The following CLCN6 variants were observed in gnomAD, a reference collection of about 807,000 sequenced individuals.
CLCN6 encodes H(+)/Cl(-) exchange transporter 6.
Under a neutral mutation model 109.8 loss-of-function variants are expected in CLCN6, and 70 were observed. That is an observed-to-expected ratio of 0.64 (90% CI 0.53 to 0.78). The LOEUF is 0.78. CLCN6 is among the 30% of genes least tolerant of loss of function. The pLI is 0.00. For synonymous variants in CLCN6, 444 were observed against 447.8 expected, an observed-to-expected ratio of 0.99 and a Z score of 0.11; for missense variants, 984 against 1,142.3, an observed-to-expected ratio of 0.86 and a Z score of 2.00.
Position 11,834,062 on chromosome 1 carries a change from G to T in CLCN6, c.1526+32G>T, listed in dbSNP as rs115305550. ...TGTGTGTGTGCGTGTGTGTGCGCAT[G>T]TGCATGTGTGTGCACGTGTGCGTGT... On this transcript the variant is annotated intron_variant, in intron 15 of 22. Transcript: ENST00000346436. This position sits in a 1 kb window ranked among gnomAD's most constrained non-coding sequence, Gnocchi z 4.5. The T allele has an allele frequency of 2.5e-6, 4 of 1,609,200 alleles. No individual in the cohort carries two copies. The highest frequency in any genetic ancestry group is 3.4e-5 in the Admixed American group (2 of 58,852).
At chr1:11,825,019 T>C (rs973147407) in intron 8 of CLCN6, among the ~76,000 whole-genome samples, 1 of 152,186 alleles carries the variant, frequency 6.6e-6, no homozygotes, top group Non-Finnish European at 1.5e-5. Flanking sequence ...TTTCTCCTTA[T>C]AGCCACCTTC....
chr1:11,808,565 G>A (rs1198787067), intron 2 of CLCN6, among the ~76,000 whole-genome samples: 1 of 151,926 alleles, frequency 6.6e-6, no homozygotes, highest in Non-Finnish European at 1.5e-5. Flanking sequence ...AGATTTTCCA[G>A]TTTTCTTGTA....
chr1:11,822,352 A>G (rs534107646), intron 5 of CLCN6, among the ~76,000 whole-genome samples: 2 of 152,288 alleles, frequency 1.3e-5, no homozygotes, highest in South Asian at 2.1e-4. Flanking sequence ...TCAGCCTCCC[A>G]GGCTCAAGCG....
rs141827185 is a variant in CLCN6, at chr1:11,815,963, AT to A, written c.213+60del. 254 of 1,399,400 alleles carry A rather than the reference AT, an allele frequency of 1.8e-4. No homozygotes were observed. In the African/African-American group the frequency reaches 2.9e-3, roughly 16 times the overall value. 86.7% of individuals were successfully genotyped at this position (1,399,400 alleles called of 1,614,324 possible). ...GGGATCAAATCAGTCTTAACATGGC[AT>A]TTTTTTTCTCTTCTAAAGGCCCCAG... On this transcript the variant is annotated intron_variant, in intron 3 of 22. Transcript: ENST00000346436.
chr1:11,820,995 G>T (rs1026800381), intron 5 of CLCN6, among the ~76,000 whole-genome samples: 1 of 151,080 alleles, frequency 6.6e-6, no homozygotes, highest in African/African-American at 2.4e-5. Context: ...AGAATCGCTT[G>T]AACCCGGGAG....
chr1:11,810,082 C>T (rs1329341036), intron 2 of CLCN6, among the ~76,000 whole-genome samples: 1 of 152,108 alleles, frequency 6.6e-6, no homozygotes, highest in Non-Finnish European at 1.5e-5. Flanking sequence ...TATTAATAGT[C>T]ATATTTTAAT....
At chr1:11,828,925 C>T (rs138545535) in intron 12 of CLCN6, among the ~76,000 whole-genome samples, 93 of 152,300 alleles carry the variant, frequency 6.1e-4, no homozygotes, top group Non-Finnish European at 9.8e-4. Context: ...GGAGGCTTCT[C>T]GCCCCAGGAC....
intron 8 of CLCN6, among the ~76,000 whole-genome samples, chr1:11,825,421 C>T (rs1360137574): frequency 6.6e-6 from 1 of 152,254 alleles, no homozygotes; most frequent in Non-Finnish European, 1.5e-5. Flanking sequence ...GGGCCCTTCT[C>T]TTCCTGGCGC....
chr1:11,840,254 T>G lies in CLCN6; in HGVS notation c.*31T>G, dbSNP rs1557437735. The stretch of plus-strand genomic sequence containing the variant: ...CAGCCCACCCTCTCCTGGTGCTGCC[T>G]GGGGAGGCAAATCATGCTCACTCCG... On this transcript the variant is annotated 3_prime_UTR_variant, in exon 23 of 23. Coordinates refer to ENST00000346436, the MANE Select transcript of CLCN6 (RefSeq NM_001286.5). 6.3e-7 allele frequency: 1 copy of G among 1,580,134 alleles called. No individual in the cohort carries two copies. Among genetic ancestry groups the G allele is most frequent in the Admixed American group, 1.7e-5 (1 of 59,998 alleles).
rs779303268 is a variant in CLCN6 at position 11,828,164 on chromosome 1, T to G, written c.899T>G (p.Phe300Cys). The change falls in exon 11 of 23, where the codon TTT (phenylalanine) becomes TGT (cysteine). Residue 300 changes from phenylalanine to cysteine, a missense_variant. Transcript: ENST00000346436. ...AACTTCTTCCGTTCTGGGATTCAGT[T>G]TGGAAGCTGGGGTTCCTTCCAGCTC... ...TLNFFRSGIQFGSWGSFQLPG... is the reference protein window; with the variant it reads ...TLNFFRSGIQCGSWGSFQLPG... The G allele has an allele frequency of 5.0e-6, 8 of 1,614,232 alleles. No individual in the cohort carries two copies. In the South Asian group the frequency reaches 8.8e-5, roughly 18 times the overall value.
At chr1:11,829,389 C>A in intron 13 of CLCN6, 67 bp downstream of exon 13, 2 of 1,583,844 alleles carry the variant, frequency 1.3e-6, no homozygotes, top group Non-Finnish European at 1.7e-6. Context: ...GTATGACCTT[C>A]CTCTGTTGAG....
chr1:11,806,723 C>T lies in CLCN6; in HGVS notation c.87+374C>T, dbSNP rs76378492. ...CAGTCCTTTCTCACTCTATCCCTCACCCTTTCTGGGTCACTGACAGTCCAG... is the reference window on the plus strand; with the variant it reads ...CAGTCCTTTCTCACTCTATCCCTCATCCTTTCTGGGTCACTGACAGTCCAG... On this transcript the variant is annotated intron_variant, in intron 1 of 22. Coordinates refer to ENST00000346436, the MANE Select transcript of CLCN6 (RefSeq NM_001286.5). 8.1e-4 allele frequency: 284 copies of T among 351,686 alleles called. 5 individuals are homozygous for T. In the East Asian group the frequency reaches 0.011, roughly 14 times the overall value. 21.8% of individuals were successfully genotyped at this position (351,686 alleles called of 1,614,324 possible).
rs575045325 is a variant in CLCN6, at chr1:11,836,938, C to G, written c.1981-61C>G. On this transcript the variant is annotated intron_variant, in intron 18 of 22. Coordinates refer to ENST00000346436, the MANE Select transcript of CLCN6 (RefSeq NM_001286.5). ...TCCCTGTCACCCAAATCCTTAAGCTCCATCAGTACTGCTGTGTTCGTTTGC... is the reference window on the plus strand; with the variant it reads ...TCCCTGTCACCCAAATCCTTAAGCTGCATCAGTACTGCTGTGTTCGTTTGC... The G allele has an allele frequency of 8.5e-5, 134 of 1,583,418 alleles. No individual in the cohort carries two copies. The South Asian group carries it at 1.1e-3, about 13-fold the overall frequency.
intron 2 of CLCN6, among the ~76,000 whole-genome samples, chr1:11,815,192 C>T (rs944800563): frequency 4.6e-5 from 7 of 152,086 alleles, no homozygotes; most frequent in African/African-American, 1.7e-4. Flanking sequence ...AACTTTTGTT[C>T]ATATCTAATG....
chr1:11,807,422 C>T (rs1417681294), intron 2 of CLCN6, among the ~76,000 whole-genome samples: 3 of 152,198 alleles, frequency 2.0e-5, no homozygotes, highest in Non-Finnish European at 4.4e-5. Context: ...GCACCTTAAC[C>T]TGGATAGAGT....
intron 2 of CLCN6, among the ~76,000 whole-genome samples, chr1:11,809,793 G>C (rs72640243): frequency 0.099 from 15,041 of 152,182 alleles, 789 homozygotes; most frequent in South Asian, 0.16. Flanking sequence ...ATGTTCTTTT[G>C]ATATTGGTCA....
In CLCN6 at chr1:11,834,616, C is replaced by T. The variant is rs1400683195; in HGVS notation, c.1793+26C>T. 1.3e-6 allele frequency: 2 copies of T among 1,582,370 alleles called. No individual in the cohort carries two copies. The highest frequency in any genetic ancestry group is 1.7e-6 in the Non-Finnish European group (2 of 1,151,706). On this transcript the variant is annotated intron_variant, in intron 17 of 22. Coordinates refer to ENST00000346436, the MANE Select transcript of CLCN6 (RefSeq NM_001286.5). The surrounding 1 kb of genome is among the most constrained non-coding windows in gnomAD (Gnocchi z 4.5). ...GTAAGGCCATGATTTTGCTCATGTCCTAGTTTCAGAATGTATAAGCTCTGA... is the reference window on the plus strand; with the variant it reads ...GTAAGGCCATGATTTTGCTCATGTCTTAGTTTCAGAATGTATAAGCTCTGA...
intron 13 of CLCN6, among the ~76,000 whole-genome samples, chr1:11,831,452 G>C (rs1388392708): frequency 6.6e-6 from 1 of 152,080 alleles, no homozygotes; most frequent in Non-Finnish European, 1.5e-5. Flanking sequence ...ACCGTGTCCA[G>C]CTGGTTTATA....
At position 11,834,365 on chromosome 1, in the gene CLCN6, C is replaced by T. The variant is rs1486084037; in HGVS notation, c.1656C>T (p.Thr552=). ...TGATCGAGTCCACCAATGAGATCAC[C>T]TACGGGCTCCCCATCATGGTCACAC... ...VILIESTNEI[T]YGLPIMVTLM... Residue 552 remains threonine, a synonymous_variant, in exon 16 of 23, where the codon ACC becomes ACT. Transcript: ENST00000346436. The surrounding 1 kb of genome is among the most constrained non-coding windows in gnomAD (Gnocchi z 4.5). The T allele has an allele frequency of 6.2e-7, 1 of 1,614,080 alleles. No individual in the cohort carries two copies. The highest frequency in any genetic ancestry group is 8.5e-7 in the Non-Finnish European group (1 of 1,180,008).
Sources: gnomAD v4.1 joint callset for allele counts (sites outside exome capture counted in the v4.1 genomes callset) on GRCh38, gnomAD v4.1.1 for gene constraint, Gnocchi (gnomAD v3.1) non-coding constraint, MANE v1.5 for transcripts, NCBI Gene and HGNC (gene_info 2026-07-23, HGNC 2026-07-21) for gene names.